Variants in USH2A observed in about 807,000 individuals in gnomAD.
USH2A encodes usherin, also known as Usher syndrome 2A (autosomal recessive, mild).
USH2A carries 443 observed loss-of-function variants against 538.9 expected under a neutral mutation model. That is an observed-to-expected ratio of 0.82 (90% CI 0.76 to 0.89). The LOEUF is 0.89. Ranked by LOEUF, USH2A falls within the 40% of genes least tolerant of loss-of-function variation. USH2A has a pLI of 0.00. For synonymous variants in USH2A, 2,413 were observed against 2,273.5 expected (o/e 1.06, Z -1.75); for missense variants, 6,633 against 6,324.8 (o/e 1.05, Z -1.65).
At chr1:215,887,396 TG>T (rs1216746930) in intron 41 of USH2A, among the ~76,000 whole-genome samples, 1 of 152,170 alleles carries the variant, frequency 6.6e-6, no homozygotes, top group Admixed American at 6.5e-5. Context: ...GTTTTGTTTT[TG>T]GTTTTGTTTT....
rs139548982 is a variant in USH2A, at chr1:215,810,281, A to G, written c.9739+3455T>C. 5.8e-3 allele frequency among the ~76,000 whole-genome samples: 887 copies of G among 152,278 alleles called. 8 individuals are homozygous for G. Among genetic ancestry groups the G allele is most frequent in the African/African-American group, 0.018 (768 of 41,566 alleles). ...ATTATTAAAGGCTTATATAATATCA[A>G]TGACAACTTCTGAGCTTCCATGAGT... On this transcript the variant is annotated intron_variant, in intron 49 of 71. Coordinates refer to ENST00000307340, the MANE Select transcript of USH2A (RefSeq NM_206933.4).
chr1:215,916,092 A>G (rs1665945852), intron 38 of USH2A, among the ~76,000 whole-genome samples: 1 of 151,360 alleles, frequency 6.6e-6, no homozygotes, highest in Non-Finnish European at 1.5e-5. Flanking sequence ...ATGCTAAATG[A>G]CGAGTTAATG....
intron 56 of USH2A, among the ~76,000 whole-genome samples, chr1:215,760,798 C>T (rs1024017254): frequency 6.6e-6 from 1 of 152,146 alleles, no homozygotes; most frequent in African/African-American, 2.4e-5. Context: ...TTTCACTTCT[C>T]CTGGTCCAAG....
chr1:215,749,968 A>C (rs1214362987), intron 58 of USH2A, among the ~76,000 whole-genome samples: 1 of 103,234 alleles, frequency 9.7e-6, no homozygotes, highest in East Asian at 3.6e-4. Flanking sequence ...CAAATAAAAA[A>C]GTTAAATTAT....
intron 36 of USH2A, among the ~76,000 whole-genome samples, chr1:215,965,919 T>C (rs1286122314): frequency 7.8e-6 from 1 of 128,078 alleles, no homozygotes; most frequent in East Asian, 2.3e-4. Context: ...CTCTCTCTTC[T>C]CTGTCACACA....
At chr1:216,067,830 C>T (rs528241731) in intron 30 of USH2A, among the ~76,000 whole-genome samples, 3 of 151,888 alleles carry the variant, frequency 2.0e-5, no homozygotes, top group Non-Finnish European at 2.9e-5. Context: ...ATTTGGATGT[C>T]TAGGTGGGAT....
At chr1:215,736,998 T>A (rs1660173010) in intron 60 of USH2A, among the ~76,000 whole-genome samples, 1 of 152,006 alleles carries the variant, frequency 6.6e-6, no homozygotes, top group Non-Finnish European at 1.5e-5. Context: ...CTCTGTATAC[T>A]TACCGTAAGA....
At chr1:216,272,559 G>C (rs138155452) in intron 11 of USH2A, among the ~76,000 whole-genome samples, 271 of 151,796 alleles carry the variant, frequency 1.8e-3, no homozygotes, top group Non-Finnish European at 2.8e-3. Flanking sequence ...AGTCTTCTGG[G>C]TAAGAAAACA....
intron 35 of USH2A, among the ~76,000 whole-genome samples, chr1:215,987,451 A>G (rs550798495): frequency 3.3e-5 from 5 of 152,214 alleles, no homozygotes; most frequent in African/African-American, 4.8e-5. Flanking sequence ...GTCTGAAATC[A>G]CAGCCTGTAA....
intron 21 of USH2A, among the ~76,000 whole-genome samples, chr1:216,157,824 T>C (rs982196832): frequency 2.6e-5 from 4 of 152,064 alleles, no homozygotes; most frequent in African/African-American, 9.7e-5. Flanking sequence ...GGGACTGTAA[T>C]TGGAAAAACT....
chr1:215,931,242 T>C (rs1162123038), intron 38 of USH2A, among the ~76,000 whole-genome samples: 1 of 152,014 alleles, frequency 6.6e-6, no homozygotes. Context: ...GTGTTTATCA[T>C]ATTCTTAATT....
At chr1:216,153,377 G>T (rs2033877642) in intron 21 of USH2A, among the ~76,000 whole-genome samples, 1 of 152,162 alleles carries the variant, frequency 6.6e-6, no homozygotes, top group South Asian at 2.1e-4. Flanking sequence ...CTGCCCATCT[G>T]CATGCTCCCT....
At position 216,321,335 on chromosome 1, in the gene USH2A, C is replaced by T. The variant is rs959741605; in HGVS notation, c.1644+548G>A. Among the ~76,000 whole-genome samples, 12 of 152,026 alleles carry T rather than the reference C, an allele frequency of 7.9e-5. No homozygotes were observed. The South Asian group carries it at 8.3e-4, about 11-fold the overall frequency. ...CCTAAAGATGAAGCTAAAATTCCACCTCAACTATGGAATTCCCCTGATCGT... is the reference window on the plus strand; with the variant it reads ...CCTAAAGATGAAGCTAAAATTCCACTTCAACTATGGAATTCCCCTGATCGT... On this transcript the variant is annotated intron_variant, in intron 9 of 71. Transcript: ENST00000307340.
chr1:216,027,993 G>T (rs1669009885), intron 32 of USH2A, among the ~76,000 whole-genome samples: 1 of 152,158 alleles, frequency 6.6e-6, no homozygotes, highest in Non-Finnish European at 1.5e-5. Flanking sequence ...CTAACTTTAT[G>T]ATTTCAGGCA....
At chr1:215,863,111 T>C (rs934544020) in intron 44 of USH2A, among the ~76,000 whole-genome samples, 2 of 152,110 alleles carry the variant, frequency 1.3e-5, no homozygotes, top group Admixed American at 1.3e-4. Context: ...GGAAGAATTA[T>C]AGTCAGTAAG....
chr1:215,650,835 A>G (rs775027009), intron 64 of USH2A, 34 bp from the exon 65 acceptor site: 10 of 1,606,938 alleles, frequency 6.2e-6, no homozygotes, highest in Non-Finnish European at 8.5e-6. Context: ...TGTCAAAAGC[A>G]AGATACCCTA....
chr1:216,325,267 C>T (rs2037705976), intron 6 of USH2A, 38 bp downstream of exon 6: 1 of 1,608,848 alleles, frequency 6.2e-7, no homozygotes, highest in African/African-American at 1.3e-5. Context: ...TTGCAATAAC[C>T]ACAGGAAATT....
At chr1:215,846,476 A>C (rs960212548) in intron 44 of USH2A, among the ~76,000 whole-genome samples, 2 of 152,052 alleles carry the variant, frequency 1.3e-5, no homozygotes, top group African/African-American at 4.8e-5. Flanking sequence ...AGCCTCCCAG[A>C]CTGTTGGGAT....
At chr1:216,202,825 T>C (rs2035028683) in intron 16 of USH2A, among the ~76,000 whole-genome samples, 1 of 152,196 alleles carries the variant, frequency 6.6e-6, no homozygotes, top group African/African-American at 2.4e-5. Flanking sequence ...TGGGAAACTT[T>C]CAGTGGTTCT....
Sources: allele counts gnomAD v4.1 joint callset (sites outside exome capture counted in the v4.1 genomes callset), GRCh38; gene constraint gnomAD v4.1.1; transcripts MANE v1.5; gene names NCBI Gene and HGNC (gene_info 2026-07-23, HGNC 2026-07-21).